CHST5: variants seen among roughly 807,000 people sequenced by gnomAD.
CHST5 encodes GST4-alpha.
For synonymous variants in CHST5, 313 were observed against 279.2 expected, an observed-to-expected ratio of 1.12 and a Z score of -1.21; for missense variants, 637 against 602.1, an observed-to-expected ratio of 1.06 and a Z score of -0.61.
rs1289697020 is a variant in CHST5 at position 75,531,337 on chromosome 16, A to C, written c.-953T>G. ...CTCCGTTTCAAAAAAAAAAAAAAAA[A>C]CAACAAAAAAAAAACTTTTGTCATT... is the stretch of plus-strand genomic sequence containing the variant. On this transcript the variant is annotated 5_prime_UTR_variant, in exon 4 of 4. Coordinates refer to ENST00000336257, the MANE Select transcript of CHST5 (RefSeq NM_024533.5). 10 of 1,002,122 alleles carry C rather than the reference A, an allele frequency of 1.0e-5. No homozygotes were observed. In the African/African-American group the frequency reaches 1.1e-4, roughly 11 times the overall value. 62.1% of individuals were successfully genotyped at this position (1,002,122 alleles called of 1,614,324 possible).
intron 2 of CHST5, among the ~76,000 whole-genome samples, chr16:75,534,395 C>T (rs1280365810): frequency 6.6e-6 from 1 of 152,048 alleles, no homozygotes; most frequent in Non-Finnish European, 1.5e-5. Context: ...GCCTGTGATC[C>T]CAGCACTTTG....
Position 75,528,880 on chromosome 16 carries a change from T to G in CHST5, c.*269A>C, listed in dbSNP as rs2080484423. ...CATTTAATTTAATTTAGCAGTAACT[T>G]ACTCCCTGCGCCCAGAAGAGGTAGG... On this transcript the variant is annotated 3_prime_UTR_variant, in exon 4 of 4. Coordinates refer to ENST00000336257, the MANE Select transcript of CHST5 (RefSeq NM_024533.5). 2 of 389,992 alleles carry G rather than the reference T, an allele frequency of 5.1e-6. No individual in the cohort carries two copies. Among genetic ancestry groups the G allele is most frequent in the Admixed American group, 4.2e-5 (1 of 23,956 alleles). 24.2% of individuals were successfully genotyped at this position (389,992 alleles called of 1,614,324 possible).
intron 3 of CHST5, among the ~76,000 whole-genome samples, chr16:75,532,802 C>T (rs1388826623): frequency 1.3e-5 from 2 of 152,208 alleles, no homozygotes; most frequent in Non-Finnish European, 2.9e-5. Flanking sequence ...CTAGGTGCTT[C>T]GAGTCCACTG....
At chr16:75,535,795 G>C (rs1483198829) in intron 1 of CHST5, among the ~76,000 whole-genome samples, 1 of 152,314 alleles carries the variant, frequency 6.6e-6, no homozygotes, top group South Asian at 2.1e-4. Context: ...CCTTTTAGCC[G>C]GGGATGTCAA....
At chr16:75,534,732 CAAGGCCCTA>C (rs1241400195) in intron 2 of CHST5, among the ~76,000 whole-genome samples, 1 of 152,234 alleles carries the variant, frequency 6.6e-6, no homozygotes, top group Non-Finnish European at 1.5e-5. Context: ...AGCCTAACAT[CAAGGCCCTA>C]GAGGCAGTGA....
At position 75,529,695 on chromosome 16, in the gene CHST5, C is replaced by T. The variant is rs753590914; in HGVS notation, c.690G>A (p.Leu230=). Residue 230 remains leucine, a synonymous_variant, in exon 4 of 4, where the codon CTG becomes CTA. Transcript: ENST00000336257. ...TCGGGCCCGCCGCCTCCCGGGAGCGCAGCACGGCCCGCGGGTCGCGCACCA... is the reference window on the plus strand; with the variant it reads ...TCGGGCCCGCCGCCTCCCGGGAGCGTAGCACGGCCCGCGGGTCGCGCACCA... The part of the protein sequence containing the change: ...VHLVRDPRAV[L]RSREAAGPIL... The T allele has an allele frequency of 2.0e-5, 33 of 1,610,836 alleles. No individual in the cohort carries two copies. The highest frequency in any genetic ancestry group is 2.8e-5 in the Non-Finnish European group (33 of 1,178,804).
chr16:75,532,761 T>C (rs1240640434), intron 3 of CHST5, among the ~76,000 whole-genome samples: 2 of 152,216 alleles, frequency 1.3e-5, no homozygotes, highest in African/African-American at 4.8e-5. Flanking sequence ...GGAAGGGAAC[T>C]CATATTTGCT....
chr16:75,533,605 T>C (rs1456692440), intron 2 of CHST5, among the ~76,000 whole-genome samples: 1 of 152,132 alleles, frequency 6.6e-6, no homozygotes, highest in Non-Finnish European at 1.5e-5. Flanking sequence ...CACACGAAAT[T>C]AAAAAAGTAG....
In CHST5 at chr16:75,530,768, G is replaced by T. The variant is rs1462490614; in HGVS notation, c.-384C>A. The stretch of plus-strand genomic sequence containing the variant: ...TGGATGTCAGAGCACCACCAGGCTC[G>T]CCGAGGTTGAATCCTGGCTCTGCCA... On this transcript the variant is annotated 5_prime_UTR_variant, in exon 4 of 4. Transcript: ENST00000336257. 2.9e-6 allele frequency: 3 copies of T among 1,043,952 alleles called. No homozygotes were observed. Among genetic ancestry groups the T allele is most frequent in the African/African-American group, 3.4e-5 (2 of 58,700 alleles). 64.7% of individuals were successfully genotyped at this position (1,043,952 alleles called of 1,614,324 possible). A position where few individuals can be genotyped will look rare whatever the true frequency, so the allele number is the denominator to read the frequency against.
chr16:75,534,173 A>G (rs1358286506), intron 2 of CHST5, among the ~76,000 whole-genome samples: 1 of 151,356 alleles, frequency 6.6e-6, no homozygotes, highest in African/African-American at 2.4e-5. Flanking sequence ...ACATGGTGAA[A>G]CCCCATCGCT....
In CHST5 at chr16:75,529,216, C is replaced by T. The variant is rs1421909496; in HGVS notation, c.1169G>A (p.Arg390His). 6.2e-7 allele frequency: 1 copy of T among 1,611,650 alleles called. No homozygotes were observed. Reference sequence around the variant, plus strand: ...CAGCACCAGATCCAGGGTGAGGTCACGCTGCTGGTCCGCAGAGTACACAGG... The same window carrying T: ...CAGCACCAGATCCAGGGTGAGGTCATGCTGCTGGTCCGCAGAGTACACAGG... ...YRPVYSADQQ[R>H]DLTLDLVLPR... is the part of the protein sequence containing the mutation. The change falls in exon 4 of 4, where the codon CGT becomes CAT. Residue 390 changes from arginine to histidine, a missense_variant. Physicochemically the swap from Arg to His is conservative, Grantham distance 29. Coordinates refer to ENST00000336257, the MANE Select transcript of CHST5 (RefSeq NM_024533.5).
In CHST5 at chr16:75,529,770, C is replaced by A. The variant is rs1271471276; in HGVS notation, c.615G>T (p.Val205=). 5.0e-6 allele frequency: 8 copies of A among 1,613,676 alleles called. No individual in the cohort carries two copies. The highest frequency in any genetic ancestry group is 6.8e-6 in the Non-Finnish European group (8 of 1,179,890). Residue 205 remains valine, a synonymous_variant, in exon 4 of 4, where the codon GTG becomes GTT. Coordinates refer to ENST00000336257, the MANE Select transcript of CHST5 (RefSeq NM_024533.5). The part of the protein sequence containing the change: ...LKEVRFFNLQ[V]LYPLLSDPAL... Reference sequence around the variant, plus strand: ...CGGGGTCGCTGAGCAGCGGGTAGAGCACCTGCAGGTTGAAGAAGCGCACCT... The same window carrying A: ...CGGGGTCGCTGAGCAGCGGGTAGAGAACCTGCAGGTTGAAGAAGCGCACCT...
In CHST5 at chr16:75,530,293, G is replaced by T. The variant is rs1317108575; in HGVS notation, c.92C>A (p.Thr31Lys). The change falls in exon 4 of 4, where the codon ACA (threonine) becomes AAA (lysine). Residue 31 changes from threonine to lysine, a missense_variant. Transcript: ENST00000336257. ...RMWLPRFSSK[T>K]VTVLLLAQTT... Reference sequence around the variant, plus strand: ...CTGTGCCAGGAGGAGCACTGTCACTGTCTTGCTGGAGAACCGTGGCAGCCA... The same window carrying T: ...CTGTGCCAGGAGGAGCACTGTCACTTTCTTGCTGGAGAACCGTGGCAGCCA... The T allele has an allele frequency of 1.2e-6, 2 of 1,611,842 alleles. No homozygotes were observed. The highest frequency in any genetic ancestry group is 8.5e-7 in the Non-Finnish European group (1 of 1,179,338).
chr16:75,531,025 G>T lies in CHST5; in HGVS notation c.-641C>A, dbSNP rs992989121. 7 of 1,001,158 alleles carry T rather than the reference G, an allele frequency of 7.0e-6. No individual in the cohort carries two copies. The highest frequency in any genetic ancestry group is 5.2e-5 in the African/African-American group (3 of 57,192). 62.0% of individuals were successfully genotyped at this position (1,001,158 alleles called of 1,614,324 possible). ...ATTATATAATTTTTTTAACAGGCAG[G>T]TATAAAACTTTTGTCAGCCAGGCGC... On this transcript the variant is annotated 5_prime_UTR_variant, in exon 4 of 4. Transcript: ENST00000336257.
In CHST5 at chr16:75,530,858, C is replaced by G; in HGVS notation, c.-474G>C. The G allele has an allele frequency of 1.0e-6, 1 of 995,440 alleles. No homozygotes were observed. Among genetic ancestry groups the G allele is most frequent in the Non-Finnish European group, 1.2e-6 (1 of 824,642 alleles). The allele number at this position is 995,440 out of a possible 1,614,324, so 61.7% of individuals were successfully genotyped here. Reference sequence around the variant, plus strand: ...TCTCTCTGTGACGGATCACTTTACCCGTGTGTGAAAGAGGGATAATTCCGG... The same window carrying G: ...TCTCTCTGTGACGGATCACTTTACCGGTGTGTGAAAGAGGGATAATTCCGG... On this transcript the variant is annotated 5_prime_UTR_variant, in exon 4 of 4. Transcript: ENST00000336257.
chr16:75,536,020 A>G (rs760485439), intron 1 of CHST5, among the ~76,000 whole-genome samples, 24 bp downstream of exon 1: 1 of 152,144 alleles, frequency 6.6e-6, no homozygotes, highest in African/African-American at 2.4e-5. Flanking sequence ...CCCCAACCTC[A>G]GCCCTAAGCC....
chr16:75,531,393 G>A lies in CHST5; in HGVS notation c.-1009C>T, dbSNP rs573813048. ...TAAACAAGTAAATAAAGTGGACAAA[G>A]AACAGCAACTGTTGTCATCACTGGT... On this transcript the variant is annotated 5_prime_UTR_variant, in exon 4 of 4. Coordinates refer to ENST00000336257, the MANE Select transcript of CHST5 (RefSeq NM_024533.5). 1.8e-6 allele frequency: 2 copies of A among 1,095,592 alleles called. No individual in the cohort carries two copies. Among genetic ancestry groups the A allele is most frequent in the Non-Finnish European group, 2.3e-6 (2 of 882,874 alleles). The allele number at this position is 1,095,592 out of a possible 1,614,324, so 67.9% of individuals were successfully genotyped here.
intron 1 of CHST5, among the ~76,000 whole-genome samples, chr16:75,535,613 G>A (rs960224908): frequency 5.9e-5 from 9 of 152,208 alleles, no homozygotes; most frequent in African/African-American, 1.4e-4. Flanking sequence ...AGACGTGGCT[G>A]CGGTCCCAGG....
At position 75,530,948 on chromosome 16, in the gene CHST5, C is replaced by G; in HGVS notation, c.-564G>C. 1 of 1,003,808 alleles carries G rather than the reference C, an allele frequency of 1.0e-6. No homozygotes were observed. The highest frequency in any genetic ancestry group is 1.2e-6 in the Non-Finnish European group (1 of 832,350). The allele number at this position is 1,003,808 out of a possible 1,614,324, so 62.2% of individuals were successfully genotyped here. A position where few individuals can be genotyped will look rare whatever the true frequency, so the allele number is the denominator to read the frequency against. On this transcript the variant is annotated 5_prime_UTR_variant, in exon 4 of 4. Coordinates refer to ENST00000336257, the MANE Select transcript of CHST5 (RefSeq NM_024533.5). ...ATAATGAAGATGGGGGAAGGGAACACGCAGTCATGCCCATAACTGAGGATT... is the reference window on the plus strand; with the variant it reads ...ATAATGAAGATGGGGGAAGGGAACAGGCAGTCATGCCCATAACTGAGGATT...
Sources: allele counts gnomAD v4.1 joint callset (sites outside exome capture counted in the v4.1 genomes callset), GRCh38; gene constraint gnomAD v4.1.1; transcripts MANE v1.5; gene names NCBI Gene and HGNC (gene_info 2026-07-23, HGNC 2026-07-21).